Variants in HSD17B4 observed in about 807,000 individuals in gnomAD.
The protein encoded by HSD17B4 is peroxisomal multifunctional enzyme type 2.
In HSD17B4, 70 loss-of-function variants were observed where a neutral mutation model predicts 101.0. The ratio of observed to expected loss-of-function variants is 0.69; its 90% confidence interval spans 0.57 to 0.85. HSD17B4 has a LOEUF of 0.85. Ranked by LOEUF, HSD17B4 falls within the 40% of genes least tolerant of loss-of-function variation. The pLI, the probability that HSD17B4 is intolerant of heterozygous loss-of-function variation, is 0.00. For missense variants in HSD17B4, 984 were observed against 892.4 expected, an observed-to-expected ratio of 1.10 and a Z score of -1.31; for synonymous variants, 347 against 297.1, an observed-to-expected ratio of 1.17 and a Z score of -1.73.
chr5:119,516,862 G>C (rs1183356430), intron 17 of HSD17B4, among the ~76,000 whole-genome samples: 1 of 152,238 alleles, frequency 6.6e-6, no homozygotes, highest in Admixed American at 6.5e-5. Context: ...GCTTTGATTT[G>C]TAGTATAGGT....
Position 119,457,940 on chromosome 5 carries a change from C to A in HSD17B4, c.112+1572C>A, listed in dbSNP as rs569782988. Among the ~76,000 whole-genome samples the A allele has an allele frequency of 4.6e-5, 7 of 152,046 alleles. No homozygotes were observed. In the East Asian group the frequency reaches 9.6e-4, roughly 21 times the overall value. Reference sequence around the variant, plus strand: ...CTAAGATATAAACTTAGTTTATAAACCTGTTTTGTAAAAAATTTTATAACA... The same window carrying A: ...CTAAGATATAAACTTAGTTTATAAAACTGTTTTGTAAAAAATTTTATAACA... On this transcript the variant is annotated intron_variant, in intron 2 of 23. Transcript: ENST00000510025.
intron 9 of HSD17B4, among the ~76,000 whole-genome samples, chr5:119,489,775 G>T (rs552041940): frequency 6.6e-6 from 1 of 151,988 alleles, no homozygotes; most frequent in South Asian, 2.1e-4. Flanking sequence ...ATTTAATCTT[G>T]TGTGATAGGT....
At chr5:119,509,928 T>A (rs568905695) in intron 16 of HSD17B4, among the ~76,000 whole-genome samples, 1 of 152,348 alleles carries the variant, frequency 6.6e-6, no homozygotes, top group East Asian at 1.9e-4. Flanking sequence ...GGGTTTTGGT[T>A]AACAGTAGGC....
intron 22 of HSD17B4, among the ~76,000 whole-genome samples, chr5:119,535,415 T>C (rs1754451026): frequency 6.6e-6 from 1 of 151,992 alleles, no homozygotes; most frequent in South Asian, 2.1e-4. Flanking sequence ...TTCTTAGGTC[T>C]CTAGTCTGCT....
intron 2 of HSD17B4, among the ~76,000 whole-genome samples, chr5:119,464,382 G>T (rs1178775918): frequency 6.6e-6 from 1 of 152,092 alleles, no homozygotes; most frequent in Non-Finnish European, 1.5e-5. Flanking sequence ...AGAGGTAGGG[G>T]TCTATTTTCA....
chr5:119,478,445 G>C (rs1748799997), intron 7 of HSD17B4, among the ~76,000 whole-genome samples: 1 of 152,126 alleles, frequency 6.6e-6, no homozygotes, highest in Non-Finnish European at 1.5e-5. Context: ...TTTTGAGATG[G>C]CATTGTTTTA....
chr5:119,494,042 GTT>G, intron 11 of HSD17B4, 96 bp downstream of exon 11: 1 of 1,232,186 alleles, frequency 8.1e-7, no homozygotes, highest in South Asian at 1.2e-5. Context: ...TAACTGTAGT[GTT>G]AAGACACTTG....
At chr5:119,522,388 A>G (rs931044055) in intron 17 of HSD17B4, among the ~76,000 whole-genome samples, 3 of 152,190 alleles carry the variant, frequency 2.0e-5, no homozygotes, top group Non-Finnish European at 2.9e-5. Flanking sequence ...TAGTGCTGCA[A>G]TAAACATACG....
intron 11 of HSD17B4, among the ~76,000 whole-genome samples, chr5:119,494,723 C>A (rs1750473082): frequency 6.6e-6 from 1 of 152,082 alleles, no homozygotes; most frequent in African/African-American, 2.4e-5. Context: ...TCCTTTGAGG[C>A]AGAGACTGTA....
At chr5:119,506,549 G>C (rs1301725766) in intron 14 of HSD17B4, among the ~76,000 whole-genome samples, 1 of 152,148 alleles carries the variant, frequency 6.6e-6, no homozygotes, top group Non-Finnish European at 1.5e-5. Flanking sequence ...GGATTGCTGG[G>C]TCAAATGGTA....
In HSD17B4 at chr5:119,501,113, A is replaced by G. The variant is rs192440705; in HGVS notation, c.1210-928A>G. Among the ~76,000 whole-genome samples the G allele has an allele frequency of 8.8e-4, 134 of 152,262 alleles. 1 individual carries two copies. The highest frequency in any genetic ancestry group is 2.8e-3 in the African/African-American group (115 of 41,550). ...ATTCACACTCCCATGGTTAGTTACT[A>G]TATACTCTGAACAATGTAAATGCAA... is the stretch of plus-strand genomic sequence containing the variant. On this transcript the variant is annotated intron_variant, in intron 13 of 23. Coordinates refer to ENST00000510025, the MANE Select transcript of HSD17B4 (RefSeq NM_000414.4).
intron 4 of HSD17B4, among the ~76,000 whole-genome samples, chr5:119,474,760 A>G (rs996782187): frequency 1.4e-4 from 21 of 152,186 alleles, no homozygotes; most frequent in Non-Finnish European, 2.8e-4. Context: ...TTATAAGATT[A>G]AAAAATAAAC....
At chr5:119,534,836 A>G (rs1220675736) in intron 22 of HSD17B4, among the ~76,000 whole-genome samples, 1 of 152,082 alleles carries the variant, frequency 6.6e-6, no homozygotes, top group Admixed American at 6.6e-5. Flanking sequence ...TCTCTTACTA[A>G]CAGCAGCTCC....
intron 16 of HSD17B4, among the ~76,000 whole-genome samples, chr5:119,510,392 T>G (rs1752063193): frequency 6.6e-6 from 1 of 152,226 alleles, no homozygotes. Context: ...TAGAAACATA[T>G]TTTTCCTAAA....
chr5:119,526,504 C>G (rs962950988), intron 19 of HSD17B4, among the ~76,000 whole-genome samples: 2 of 151,642 alleles, frequency 1.3e-5, no homozygotes, highest in Non-Finnish European at 2.9e-5. Flanking sequence ...AATATCCATG[C>G]CCATATTATT....
chr5:119,494,325 T>TTTCCTTTCTTTC (rs1554064680), intron 11 of HSD17B4, among the ~76,000 whole-genome samples: 3 of 111,524 alleles, frequency 2.7e-5, no homozygotes, highest in Non-Finnish European at 3.7e-5. Context: ...TCTTTCTTTC[T>TTTCCTTTCTTTC]TTTCTTTCTT....
chr5:119,510,672 A>T (rs1350750673), intron 16 of HSD17B4, among the ~76,000 whole-genome samples: 3 of 152,228 alleles, frequency 2.0e-5, no homozygotes, highest in Non-Finnish European at 4.4e-5. Context: ...AGAAACATTT[A>T]TTCAAGAAAA....
At chr5:119,457,421 A>G (rs1754783885) in intron 2 of HSD17B4, among the ~76,000 whole-genome samples, 1 of 152,238 alleles carries the variant, frequency 6.6e-6, no homozygotes, top group South Asian at 2.1e-4. Context: ...CACTTGATAC[A>G]CTTTTCTCCT....
chr5:119,456,721 T>TG, intron 2 of HSD17B4: 1 of 268,342 alleles, frequency 3.7e-6, no homozygotes, highest in Non-Finnish European at 7.2e-6. Flanking sequence ...CACTCCAATC[T>TG]GGGTGATGGC....
Sources: allele counts gnomAD v4.1 joint callset (sites outside exome capture counted in the v4.1 genomes callset), GRCh38; gene constraint gnomAD v4.1.1; transcripts MANE v1.5; gene names NCBI Gene and HGNC (gene_info 2026-07-23, HGNC 2026-07-21).